Variants in ITGB8 observed in about 807,000 individuals in gnomAD.
The protein encoded by ITGB8 is integrin subunit beta 8.
A neutral mutation model predicts 89.5 loss-of-function variants in ITGB8; 30 were observed. That is an observed-to-expected ratio of 0.34 (90% CI 0.25 to 0.45). The LOEUF (loss-of-function observed/expected upper bound fraction) is 0.45, where lower values mean the gene tolerates loss of function less well. Among genes scored for constraint, ITGB8 ranks in the 20% least tolerant of loss-of-function variants. The probability of loss-of-function intolerance (pLI) is 1.00; values close to 1 mark genes in which losing one functional copy is unlikely to be tolerated. For synonymous variants in ITGB8, 335 were observed against 320.4 expected (o/e 1.05, Z -0.49); for missense variants, 836 against 933.3 (o/e 0.90, Z 1.36).
At position 20,331,692 on chromosome 7, in the gene ITGB8, T is replaced by C; in HGVS notation, c.-115T>C. 1 of 1,290,090 alleles carries C rather than the reference T, an allele frequency of 7.8e-7. No homozygotes were observed. Among genetic ancestry groups the C allele is most frequent in the Non-Finnish European group, 1.0e-6 (1 of 973,442 alleles). The allele number at this position is 1,290,090 out of a possible 1,614,324, so 79.9% of individuals were successfully genotyped here. ...AGCCGCGGGGTCCGCCTGCTAGGCC[T>C]GCGGAAAACGTCCTAGCGACACTCG... On this transcript the variant is annotated 5_prime_UTR_variant, in exon 1 of 14. Coordinates refer to ENST00000222573, the MANE Select transcript of ITGB8 (RefSeq NM_002214.3).
At chr7:20,371,215 G>A (rs1300316082) in intron 3 of ITGB8, among the ~76,000 whole-genome samples, 2 of 151,956 alleles carry the variant, frequency 1.3e-5, no homozygotes, top group East Asian at 1.9e-4. Flanking sequence ...AACCAAAATC[G>A]AAGAATACTC....
At chr7:20,361,490 T>C (rs888210703) in intron 1 of ITGB8, among the ~76,000 whole-genome samples, 1 of 152,132 alleles carries the variant, frequency 6.6e-6, no homozygotes, top group African/African-American at 2.4e-5. Flanking sequence ...CCTTACATGA[T>C]GGAAGCGCAG....
In ITGB8 at chr7:20,376,446, A is replaced by G. The variant is rs373027978; in HGVS notation, c.389-2605A>G. 1.1e-3 allele frequency among the ~76,000 whole-genome samples: 169 copies of G among 152,286 alleles called. 1 individual carries two copies. The highest frequency in any genetic ancestry group is 3.9e-3 in the African/African-American group (163 of 41,542). The stretch of plus-strand genomic sequence containing the variant: ...ATGATGAGATCACGTACAAAGGTTA[A>G]GTGGGGGTGTTAACTAGGGACACAA... On this transcript the variant is annotated intron_variant, in intron 3 of 13. Transcript: ENST00000222573.
intron 1 of ITGB8, among the ~76,000 whole-genome samples, chr7:20,336,000 C>CCTT (rs1318985514): frequency 1.0e-5 from 1 of 96,400 alleles, no homozygotes; most frequent in African/African-American, 4.2e-5. Flanking sequence ...TCTTGGTTTT[C>CCTT]TTTTTTTTTT....
At chr7:20,367,677 AG>A (rs1244961486) in intron 3 of ITGB8, among the ~76,000 whole-genome samples, 2 of 151,994 alleles carry the variant, frequency 1.3e-5, no homozygotes, top group Non-Finnish European at 2.9e-5. Context: ...AAGTTCTTAG[AG>A]ACTTTGTAAT....
intron 1 of ITGB8, among the ~76,000 whole-genome samples, chr7:20,334,292 A>T (rs1336416126): frequency 1.3e-5 from 2 of 152,224 alleles, no homozygotes; most frequent in African/African-American, 4.8e-5. Context: ...CCAGAAAAAC[A>T]TAAAGTATAT....
At chr7:20,397,005 A>G (rs1385758349) in intron 8 of ITGB8, among the ~76,000 whole-genome samples, 1 of 152,154 alleles carries the variant, frequency 6.6e-6, no homozygotes, top group Non-Finnish European at 1.5e-5. Flanking sequence ...AAAATCTTCT[A>G]AACTTTCATT....
At chr7:20,343,071 G>A (rs1784815548) in intron 1 of ITGB8, among the ~76,000 whole-genome samples, 1 of 152,194 alleles carries the variant, frequency 6.6e-6, no homozygotes, top group African/African-American at 2.4e-5. Context: ...GAACCTGAAA[G>A]GGGTTAAATG....
Position 20,394,956 on chromosome 7 carries a change from C to A in ITGB8, c.1117C>A (p.Leu373Ile). ...TGAAATAGAATCAAAGGCTGCAAAC[C>A]TCAATAATTTGGTAGTGGAAGCCTA... The part of the protein sequence containing the change: ...AGEIESKAAN[L>I]NNLVVEAYQK... The change falls in exon 8 of 14, where the codon CTC becomes ATC. Residue 373 changes from leucine to isoleucine, a missense_variant. By Grantham distance (5) the Leu-to-Ile change is conservative. Transcript: ENST00000222573. The A allele has an allele frequency of 1.2e-6, 2 of 1,613,112 alleles. No homozygotes were observed. Among genetic ancestry groups the A allele is most frequent in the Non-Finnish European group, 1.7e-6 (2 of 1,179,180 alleles).
At chr7:20,406,424 C>A (rs989817559) in intron 12 of ITGB8, among the ~76,000 whole-genome samples, 2 of 151,898 alleles carry the variant, frequency 1.3e-5, no homozygotes. Flanking sequence ...GTGGCGGGCA[C>A]CTGTAGTCCC....
intron 3 of ITGB8, among the ~76,000 whole-genome samples, chr7:20,370,904 G>A (rs1288076881): frequency 1.3e-5 from 2 of 152,270 alleles, no homozygotes; most frequent in African/African-American, 2.4e-5. Context: ...GTGAGCCATC[G>A]AGCCCGGCCT....
intron 1 of ITGB8, among the ~76,000 whole-genome samples, chr7:20,355,662 G>A (rs367953729): frequency 6.6e-6 from 1 of 152,134 alleles, no homozygotes; most frequent in African/African-American, 2.4e-5. Flanking sequence ...GCCCCATAAA[G>A]ATACTTATTT....
intron 8 of ITGB8, among the ~76,000 whole-genome samples, chr7:20,398,365 A>G (rs1406920395): frequency 6.6e-6 from 1 of 152,120 alleles, no homozygotes; most frequent in Non-Finnish European, 1.5e-5. Context: ...GTACTTGTCA[A>G]TTCTGTGTCA....
chr7:20,398,506 T>G (rs1428709631), intron 8 of ITGB8, among the ~76,000 whole-genome samples: 1 of 152,248 alleles, frequency 6.6e-6, no homozygotes, highest in Non-Finnish European at 1.5e-5. Context: ...GATATATGTG[T>G]TCTCAAGGTT....
At chr7:20,336,789 G>A (rs1784592978) in intron 1 of ITGB8, among the ~76,000 whole-genome samples, 2 of 152,158 alleles carry the variant, frequency 1.3e-5, no homozygotes, top group East Asian at 1.9e-4. Flanking sequence ...GAAGCTGCCT[G>A]TATTTTTGTG....
At chr7:20,357,380 C>CT (rs1247125552) in intron 1 of ITGB8, among the ~76,000 whole-genome samples, 1 of 152,094 alleles carries the variant, frequency 6.6e-6, no homozygotes, top group Non-Finnish European at 1.5e-5. Context: ...AAGGGACTTT[C>CT]ATTTTAAAGA....
At chr7:20,361,293 T>C (rs923810123) in intron 1 of ITGB8, among the ~76,000 whole-genome samples, 1 of 152,180 alleles carries the variant, frequency 6.6e-6, no homozygotes, top group Admixed American at 6.5e-5. Flanking sequence ...TTCAGTTGAG[T>C]CAAGGCTACA....
chr7:20,404,192 C>T (rs1787437263), intron 10 of ITGB8, among the ~76,000 whole-genome samples: 1 of 152,186 alleles, frequency 6.6e-6, no homozygotes, highest in South Asian at 2.1e-4. Flanking sequence ...CAAAGTTATC[C>T]TAGGCCTTCA....
intron 6 of ITGB8, among the ~76,000 whole-genome samples, chr7:20,388,104 TAC>T (rs1786701985): frequency 6.6e-6 from 1 of 152,216 alleles, no homozygotes; most frequent in African/African-American, 2.4e-5. Context: ...CATACATCTG[TAC>T]ACAGTTATCT....
Sources: gnomAD v4.1 joint callset for allele counts (sites outside exome capture counted in the v4.1 genomes callset) on GRCh38, gnomAD v4.1.1 for gene constraint, MANE v1.5 for transcripts, NCBI Gene and HGNC (gene_info 2026-07-23, HGNC 2026-07-21) for gene names.